The following FTO variants were observed in gnomAD, a reference collection of about 807,000 sequenced individuals.
The protein encoded by FTO is alpha-ketoglutarate-dependent dioxygenase FTO.
Under a neutral mutation model 63.9 loss-of-function variants are expected in FTO, and 47 were observed. The ratio of observed to expected loss-of-function variants is 0.74; its 90% confidence interval spans 0.58 to 0.94. The LOEUF (loss-of-function observed/expected upper bound fraction) is 0.94, where lower values mean the gene tolerates loss of function less well. Among genes scored for constraint, FTO ranks in the 40% least tolerant of loss-of-function variants. The pLI is 0.00. For synonymous variants in FTO, 207 were observed against 224.4 expected (o/e 0.92, Z 0.69); for missense variants, 562 against 618.1 (o/e 0.91, Z 0.96).
intron 8 of FTO, among the ~76,000 whole-genome samples, chr16:53,949,707 A>AC (rs1326968429): frequency 6.6e-6 from 1 of 151,994 alleles, no homozygotes; most frequent in African/African-American, 2.4e-5. Flanking sequence ...CAAAAAAAAA[A>AC]AAAAAAACCC....
At chr16:53,713,442 G>A (rs2075823646) in intron 1 of FTO, among the ~76,000 whole-genome samples, 1 of 152,168 alleles carries the variant, frequency 6.6e-6, no homozygotes, top group Non-Finnish European at 1.5e-5. Flanking sequence ...CTTAGAGAAG[G>A]TGAATTTAGA....
chr16:54,093,274 C>T (rs1030064853), intron 8 of FTO, among the ~76,000 whole-genome samples: 2 of 152,210 alleles, frequency 1.3e-5, no homozygotes, highest in Admixed American at 6.5e-5. Flanking sequence ...GCAAGTTCTC[C>T]AAGTCTCACA....
chr16:53,877,263 T>A (rs146764665), intron 5 of FTO, among the ~76,000 whole-genome samples: 50 of 152,326 alleles, frequency 3.3e-4, no homozygotes, highest in African/African-American at 1.1e-3. Flanking sequence ...ACAGGAATGT[T>A]CATAATCACC....
chr16:53,736,783 A>G (rs967882831), intron 1 of FTO, among the ~76,000 whole-genome samples: 7 of 152,294 alleles, frequency 4.6e-5, no homozygotes, highest in African/African-American at 1.4e-4. Flanking sequence ...ACAGGTTTCC[A>G]GAGCACTATC....
chr16:53,841,634 C>T (rs981129463), intron 3 of FTO, among the ~76,000 whole-genome samples: 5 of 152,126 alleles, frequency 3.3e-5, no homozygotes, highest in African/African-American at 1.2e-4. Flanking sequence ...AGGGGAGTTT[C>T]TTTTTTTCCT....
At chr16:53,782,587 A>G (rs148679912) in intron 1 of FTO, among the ~76,000 whole-genome samples, 53 of 152,348 alleles carry the variant, frequency 3.5e-4, no homozygotes, top group African/African-American at 1.2e-3. Flanking sequence ...CAGGGCTAGA[A>G]AGTCTTAGAG....
At chr16:53,854,950 G>T (rs1005631660) in intron 4 of FTO, among the ~76,000 whole-genome samples, 5 of 151,822 alleles carry the variant, frequency 3.3e-5, no homozygotes, top group South Asian at 4.1e-4. Flanking sequence ...TGTCATCTAT[G>T]ATTTCTTTCA....
chr16:53,785,722 CAACATGGTGA>C (rs909698216), intron 1 of FTO, among the ~76,000 whole-genome samples: 2 of 151,702 alleles, frequency 1.3e-5, no homozygotes, highest in African/African-American at 2.4e-5. Context: ...CCATCCTGAC[CAACATGGTGA>C]AACCCGGTCT....
At chr16:53,927,533 G>C (rs2082175843) in intron 7 of FTO, among the ~76,000 whole-genome samples, 1 of 152,158 alleles carries the variant, frequency 6.6e-6, no homozygotes, top group South Asian at 2.1e-4. Context: ...GATGTCCGCA[G>C]TCTACAGGGA....
chr16:53,950,979 C>T (rs549759051), intron 8 of FTO, among the ~76,000 whole-genome samples: 1 of 152,306 alleles, frequency 6.6e-6, no homozygotes, highest in Non-Finnish European at 1.5e-5. Flanking sequence ...CATAAAGCAT[C>T]TCATTTATTA....
chr16:54,059,113 T>C (rs1483412641), intron 8 of FTO, among the ~76,000 whole-genome samples: 3 of 152,186 alleles, frequency 2.0e-5, no homozygotes, highest in African/African-American at 7.2e-5. Context: ...TTACACACAT[T>C]TGCTCAATTC....
chr16:53,882,702 G>A (rs989240995), intron 6 of FTO, among the ~76,000 whole-genome samples: 3 of 152,196 alleles, frequency 2.0e-5, no homozygotes, highest in African/African-American at 4.8e-5. Context: ...TAAGGACAAG[G>A]CCTTTCCTTT....
At chr16:53,926,863 A>AT (rs1322922051) in intron 7 of FTO, among the ~76,000 whole-genome samples, 1 of 152,104 alleles carries the variant, frequency 6.6e-6, no homozygotes, top group East Asian at 1.9e-4. Context: ...TAAAAAAAAA[A>AT]ATCATTTTTT....
chr16:53,879,789 G>T, intron 5 of FTO, 55 bp from the exon 6 acceptor site: 2 of 1,606,022 alleles, frequency 1.2e-6, no homozygotes, highest in Non-Finnish European at 1.7e-6. Flanking sequence ...AGGAAGGATG[G>T]TAGAGTAAAC....
chr16:53,893,531 G>A (rs1295382868), intron 7 of FTO, among the ~76,000 whole-genome samples: 4 of 152,128 alleles, frequency 2.6e-5, no homozygotes, highest in East Asian at 3.9e-4. Context: ...GTCTGGTATC[G>A]CTCTTTGCAA....
chr16:53,995,153 C>G (rs2083905545), intron 8 of FTO, among the ~76,000 whole-genome samples: 1 of 152,188 alleles, frequency 6.6e-6, no homozygotes, highest in Non-Finnish European at 1.5e-5. Flanking sequence ...TCCAGATCTT[C>G]AGCATTGCAG....
At chr16:54,012,410 A>G (rs370749946) in intron 8 of FTO, among the ~76,000 whole-genome samples, 172 of 152,356 alleles carry the variant, frequency 1.1e-3, no homozygotes, top group African/African-American at 3.8e-3. Flanking sequence ...AACTGTCTCC[A>G]TAACATAAGT....
intron 7 of FTO, among the ~76,000 whole-genome samples, chr16:53,919,745 A>T (rs1037560608): frequency 2.0e-5 from 3 of 152,198 alleles, no homozygotes; most frequent in Non-Finnish European, 4.4e-5. Context: ...TGGAAAACCA[A>T]CCATCGCATG....
intron 4 of FTO, among the ~76,000 whole-genome samples, chr16:53,852,394 C>A (rs1461496119): frequency 6.6e-6 from 1 of 152,168 alleles, no homozygotes; most frequent in African/African-American, 2.4e-5. Flanking sequence ...TCCTTAATTA[C>A]TTTCCTTAGA....
Sources: allele counts gnomAD v4.1 joint callset (sites outside exome capture counted in the v4.1 genomes callset), GRCh38; gene constraint gnomAD v4.1.1; transcripts MANE v1.5; gene names NCBI Gene and HGNC (gene_info 2026-07-23, HGNC 2026-07-21).